TTC7B: variants seen among roughly 807,000 people sequenced by gnomAD.
TTC7B encodes the protein tetratricopeptide repeat protein 7B.
TTC7B carries 28 observed loss-of-function variants against 106.8 expected under a neutral mutation model. The observed-to-expected ratio is 0.26, with a 90% CI of 0.19 to 0.36. The LOEUF is 0.36. Among genes scored for constraint, TTC7B ranks in the 10% least tolerant of loss-of-function variants. The pLI is 1.00. For missense variants in TTC7B, 862 were observed against 1,076.4 expected (o/e 0.80, Z 2.79); for synonymous variants, 405 against 430.6 (o/e 0.94, Z 0.74).
chr14:90,572,653 T>G (rs1355268844), intron 19 of TTC7B, among the ~76,000 whole-genome samples: 1 of 152,220 alleles, frequency 6.6e-6, no homozygotes, highest in Non-Finnish European at 1.5e-5. Context: ...ACCTTTAGCC[T>G]GCAGCCATCT....
chr14:90,696,003 T>C (rs532097384), intron 5 of TTC7B, among the ~76,000 whole-genome samples: 1 of 152,024 alleles, frequency 6.6e-6, no homozygotes. Flanking sequence ...AATATGAAGA[T>C]GGAAGGCACA....
At chr14:90,591,257 C>T (rs1330398797) in intron 18 of TTC7B, among the ~76,000 whole-genome samples, 1 of 152,180 alleles carries the variant, frequency 6.6e-6, no homozygotes, top group Non-Finnish European at 1.5e-5. Context: ...AGGAGAATTG[C>T]TTGAACCCAG....
chr14:90,777,055 G>T (rs1891054526), intron 3 of TTC7B, among the ~76,000 whole-genome samples: 1 of 152,070 alleles, frequency 6.6e-6, no homozygotes, highest in African/African-American at 2.4e-5. Context: ...GGCCAACATG[G>T]TGAAACCCTG....
chr14:90,760,957 C>G (rs1595355305), intron 3 of TTC7B, among the ~76,000 whole-genome samples: 2 of 152,208 alleles, frequency 1.3e-5, no homozygotes. Flanking sequence ...CTTCCCTCTA[C>G]CCTCCAAGGA....
intron 1 of TTC7B, among the ~76,000 whole-genome samples, chr14:90,810,042 A>G (rs2030813814): frequency 6.6e-6 from 1 of 152,210 alleles, no homozygotes; most frequent in Admixed American, 6.5e-5. Flanking sequence ...CCTTACCTAC[A>G]GTTTCTGAAA....
intron 5 of TTC7B, among the ~76,000 whole-genome samples, chr14:90,701,796 G>GTATATATATATATATA (rs138397501): frequency 8.4e-6 from 1 of 118,918 alleles, no homozygotes; most frequent in African/African-American, 2.9e-5. Flanking sequence ...GTGTGTGTGT[G>GTATATATATATATATA]TATATATATA....
chr14:90,601,760 G>C (rs1333478814), intron 17 of TTC7B, among the ~76,000 whole-genome samples: 2 of 152,232 alleles, frequency 1.3e-5, no homozygotes, highest in African/African-American at 4.8e-5. Context: ...TAGCTGCCCA[G>C]GGTGTAACTC....
chr14:90,681,108 C>A (rs997740847), intron 7 of TTC7B, among the ~76,000 whole-genome samples: 1 of 152,162 alleles, frequency 6.6e-6, no homozygotes, highest in Admixed American at 6.5e-5. Flanking sequence ...TTTGGCTGAA[C>A]TCCTAAATCT....
At chr14:90,717,807 A>G (rs1367874999) in intron 5 of TTC7B, among the ~76,000 whole-genome samples, 2 of 152,174 alleles carry the variant, frequency 1.3e-5, no homozygotes, top group African/African-American at 4.8e-5. Flanking sequence ...TAGGTGATTG[A>G]GCTTTTGCTC....
rs753894277 is a variant in TTC7B, at chr14:90,540,616, A to T, written c.*752T>A. The T allele has an allele frequency of 3.3e-5, 5 of 153,708 alleles. No homozygotes were observed. Among genetic ancestry groups the T allele is most frequent in the Non-Finnish European group, 5.9e-5 (4 of 68,034 alleles). 9.5% of individuals were successfully genotyped at this position (153,708 alleles called of 1,614,324 possible). On this transcript the variant is annotated 3_prime_UTR_variant, in exon 20 of 20. Coordinates refer to ENST00000328459, the MANE Select transcript of TTC7B (RefSeq NM_001010854.2). ...ATTTAAAAATCATTTTATTATTAAC[A>T]TCATCTTCCCATGTAGCCAAGTGTC...
At chr14:90,814,262 G>A (rs61987364) in intron 1 of TTC7B, among the ~76,000 whole-genome samples, 1,812 of 152,266 alleles carry the variant, frequency 0.012, 21 homozygotes, top group Non-Finnish European at 0.021. Context: ...AATAGGAAGG[G>A]CCCAGGCCAC....
intron 19 of TTC7B, among the ~76,000 whole-genome samples, chr14:90,555,823 G>A (rs1208510346): frequency 6.6e-6 from 1 of 152,246 alleles, no homozygotes; most frequent in Admixed American, 6.5e-5. Flanking sequence ...GAGCACGAAG[G>A]CAAGCTGAGA....
chr14:90,637,806 G>A (rs768412310), intron 15 of TTC7B, among the ~76,000 whole-genome samples: 14 of 152,292 alleles, frequency 9.2e-5, no homozygotes, highest in Non-Finnish European at 1.3e-4. Context: ...ATCTGCTATC[G>A]TTTCATCATT....
At chr14:90,686,988 T>G (rs1280879403) in intron 7 of TTC7B, among the ~76,000 whole-genome samples, 1 of 149,414 alleles carries the variant, frequency 6.7e-6, no homozygotes, top group Middle Eastern at 3.2e-3. Context: ...AAATCCCAGC[T>G]GCCTATTTTT....
At chr14:90,756,234 T>C (rs1710910646) in intron 3 of TTC7B, among the ~76,000 whole-genome samples, 1 of 152,130 alleles carries the variant, frequency 6.6e-6, no homozygotes. Context: ...CCACAAATTC[T>C]CACTAGGCAC....
At chr14:90,643,987 G>C in intron 15 of TTC7B, 61 bp downstream of exon 15, 6 of 1,591,568 alleles carry the variant, frequency 3.8e-6, no homozygotes, top group Non-Finnish European at 5.2e-6. Context: ...AAAGAAGGCA[G>C]GGGAAGAAGT....
Position 90,718,265 on chromosome 14 carries a change from G to A in TTC7B, c.698+11810C>T, listed in dbSNP as rs959541838. ...GGGAACTCTGGAATCCCATCCAGAT[G>A]TGTGGGTTAGGCACCCTCCTCGGAA... On this transcript the variant is annotated intron_variant, in intron 5 of 19. Coordinates refer to ENST00000328459, the MANE Select transcript of TTC7B (RefSeq NM_001010854.2). Among the ~76,000 whole-genome samples, 12 of 152,366 alleles carry A rather than the reference G, an allele frequency of 7.9e-5. No individual in the cohort carries two copies. In the Middle Eastern group the frequency reaches 0.01, roughly 130 times the overall value.
At chr14:90,552,801 C>T (rs759046214) in intron 19 of TTC7B, among the ~76,000 whole-genome samples, 14 of 152,162 alleles carry the variant, frequency 9.2e-5, no homozygotes, top group Non-Finnish European at 2.1e-4. Context: ...GGCCTGGGGT[C>T]GAACACGGAA....
At chr14:90,587,506 G>A (rs955941018) in intron 18 of TTC7B, among the ~76,000 whole-genome samples, 4 of 152,160 alleles carry the variant, frequency 2.6e-5, no homozygotes, top group Admixed American at 2.6e-4. Context: ...CATCGTCCCT[G>A]ACCTGGTGCT....
Sources: gnomAD v4.1 joint callset for allele counts (sites outside exome capture counted in the v4.1 genomes callset) on GRCh38, gnomAD v4.1.1 for gene constraint, MANE v1.5 for transcripts, NCBI Gene and HGNC (gene_info 2026-07-23, HGNC 2026-07-21) for gene names.